GRM1: variants seen among roughly 807,000 people sequenced by gnomAD.
GRM1 encodes metabotropic glutamate receptor 1.
Under a neutral mutation model 90.9 loss-of-function variants are expected in GRM1, and 33 were observed. That is an observed-to-expected ratio of 0.36 (90% confidence interval 0.28 to 0.49). The LOEUF is 0.49. GRM1 is among the 20% of genes least tolerant of loss of function. The pLI is 0.99. For synonymous variants in GRM1, 700 were observed against 613.2 expected, an observed-to-expected ratio of 1.14 and a Z score of -2.09; for missense variants, 1,190 against 1,534.3, an observed-to-expected ratio of 0.78 and a Z score of 3.75.
chr6:146,094,303 T>C (rs868866184), intron 1 of GRM1, among the ~76,000 whole-genome samples: 22 of 152,178 alleles, frequency 1.4e-4, no homozygotes, highest in Middle Eastern at 3.4e-3. Flanking sequence ...TTTTCCTGGC[T>C]GGGGAGCCTG....
intron 1 of GRM1, among the ~76,000 whole-genome samples, chr6:146,142,864 C>A (rs185148209): frequency 6.6e-6 from 1 of 152,270 alleles, no homozygotes; most frequent in East Asian, 1.9e-4. Context: ...GGTAACCCCA[C>A]GAGCCTGCTT....
At chr6:146,344,282 C>T (rs895433368) in intron 3 of GRM1, among the ~76,000 whole-genome samples, 2 of 152,170 alleles carry the variant, frequency 1.3e-5, no homozygotes, top group African/African-American at 4.8e-5. Context: ...GACAACTTTA[C>T]TATCTATAGT....
intron 2 of GRM1, among the ~76,000 whole-genome samples, chr6:146,184,616 A>G (rs1487268307): frequency 1.3e-5 from 2 of 152,166 alleles, no homozygotes; most frequent in Admixed American, 6.5e-5. Context: ...CAGATTTCCT[A>G]TACCTCTCTA....
chr6:146,399,106 CAAG>C lies in GRM1; in HGVS notation c.2075_2077del (p.Lys692del), dbSNP rs1777068081. 2 of 1,614,088 alleles carry C rather than the reference CAAG, an allele frequency of 1.2e-6. No individual in the cohort carries two copies. The highest frequency in any genetic ancestry group is 1.7e-6 in the Non-Finnish European group (2 of 1,180,014). On this transcript the variant is annotated inframe_deletion, in exon 7 of 8. Coordinates refer to ENST00000282753, the MANE Select transcript of GRM1 (RefSeq NM_001278064.2). This position sits in a 1 kb window ranked among gnomAD's most constrained non-coding sequence, Gnocchi z 5.4. Reference sequence around the variant, plus strand: ...GTATTGCACGCATCCTGGCTGGCAGCAAGAAGAAGATCTGCACCCGGAAGCCCA... The same window carrying C: ...GTATTGCACGCATCCTGGCTGGCAGCAAGAAGATCTGCACCCGGAAGCCCA...
intron 7 of GRM1, among the ~76,000 whole-genome samples, chr6:146,404,760 A>G (rs1370843376): frequency 1.3e-5 from 2 of 152,238 alleles, no homozygotes; most frequent in Non-Finnish European, 2.9e-5. Context: ...TAATGTACCA[A>G]GAGGAAGTTT....
chr6:146,432,024 C>T (rs933474815), intron 7 of GRM1, among the ~76,000 whole-genome samples: 4 of 152,272 alleles, frequency 2.6e-5, no homozygotes, highest in Admixed American at 6.5e-5. Context: ...ACACCACTGA[C>T]CTGTTCTTTA....
At chr6:146,079,341 G>C (rs1020887397) in intron 1 of GRM1, among the ~76,000 whole-genome samples, 1 of 152,154 alleles carries the variant, frequency 6.6e-6, no homozygotes, top group South Asian at 2.1e-4. Flanking sequence ...GCTTTGAGGG[G>C]ATAGGTGGGG....
chr6:146,434,915 ACCG>A lies in GRM1; in HGVS notation c.*121_*123del. 1.2e-6 allele frequency: 1 copy of A among 858,628 alleles called. No homozygotes were observed. The highest frequency in any genetic ancestry group is 1.4e-5 in the South Asian group (1 of 72,146). 53.2% of individuals were successfully genotyped at this position (858,628 alleles called of 1,614,324 possible). On this transcript the variant is annotated 3_prime_UTR_variant, in exon 8 of 8. Transcript: ENST00000282753. ...GGGGGCCTCGTCGGGAGGACAGGAG[ACCG>A]CTGCTGCTGCTGCCGCTACTGCTGC...
intron 1 of GRM1, among the ~76,000 whole-genome samples, chr6:146,103,816 G>A (rs188154130): frequency 6.6e-6 from 1 of 152,322 alleles, no homozygotes; most frequent in East Asian, 1.9e-4. Flanking sequence ...TCTCTGGTGA[G>A]GGAGGTAGGC....
intron 3 of GRM1, among the ~76,000 whole-genome samples, chr6:146,341,547 T>C (rs1358604760): frequency 6.6e-6 from 1 of 152,214 alleles, no homozygotes; most frequent in African/African-American, 2.4e-5. Context: ...AGGGAGAATC[T>C]TGATATGTTG....
chr6:146,267,692 G>GT (rs1781960488), intron 2 of GRM1, among the ~76,000 whole-genome samples: 3 of 109,754 alleles, frequency 2.7e-5, no homozygotes, highest in African/African-American at 1.7e-4. Flanking sequence ...GCTCGGCTCG[G>GT]CTCGGCTCGG....
chr6:146,046,798 C>A (rs1324919667), intron 1 of GRM1, among the ~76,000 whole-genome samples: 3 of 151,840 alleles, frequency 2.0e-5, no homozygotes, highest in Admixed American at 2.0e-4. Flanking sequence ...GGGTACCCTG[C>A]AGTTCTTACC....
At chr6:146,083,378 A>G (rs1439888709) in intron 1 of GRM1, among the ~76,000 whole-genome samples, 2 of 152,174 alleles carry the variant, frequency 1.3e-5, no homozygotes, top group Non-Finnish European at 2.9e-5. Flanking sequence ...TTTGTCATAA[A>G]TAACTCTTTT....
At chr6:146,078,701 G>C (rs1278756050) in intron 1 of GRM1, among the ~76,000 whole-genome samples, 1 of 152,160 alleles carries the variant, frequency 6.6e-6, no homozygotes, top group African/African-American at 2.4e-5. Flanking sequence ...AATAATTTCA[G>C]CAGGAACTTA....
chr6:146,419,931 C>T (rs1303741683), intron 7 of GRM1, among the ~76,000 whole-genome samples: 1 of 152,074 alleles, frequency 6.6e-6, no homozygotes, highest in African/African-American at 2.4e-5. Flanking sequence ...CCTGAGTTTC[C>T]AGGCTTGGGC....
At chr6:146,081,351 G>T (rs568456357) in intron 1 of GRM1, among the ~76,000 whole-genome samples, 3 of 152,158 alleles carry the variant, frequency 2.0e-5, no homozygotes. Context: ...GTTTAGAGCA[G>T]ACTGGGTCAT....
chr6:146,144,267 C>A (rs1319081106), intron 1 of GRM1, among the ~76,000 whole-genome samples: 1 of 152,162 alleles, frequency 6.6e-6, no homozygotes, highest in Non-Finnish European at 1.5e-5. Flanking sequence ...TGGATCAGGG[C>A]CCCACCCTTA....
intron 3 of GRM1, among the ~76,000 whole-genome samples, chr6:146,331,810 T>C (rs1223674528): frequency 6.6e-6 from 1 of 152,170 alleles, no homozygotes; most frequent in African/African-American, 2.4e-5. Flanking sequence ...TGAAGGTGAC[T>C]TTGAGCTTGT....
intron 2 of GRM1, among the ~76,000 whole-genome samples, chr6:146,218,471 A>T (rs1779948908): frequency 6.6e-6 from 1 of 152,224 alleles, no homozygotes; most frequent in South Asian, 2.1e-4. Context: ...CCATTGATTC[A>T]TGAGTATTGA....
Sources: gnomAD v4.1 joint callset for allele counts (sites outside exome capture counted in the v4.1 genomes callset) on GRCh38, gnomAD v4.1.1 for gene constraint, Gnocchi (gnomAD v3.1) non-coding constraint, MANE v1.5 for transcripts, NCBI Gene and HGNC (gene_info 2026-07-23, HGNC 2026-07-21) for gene names.